The following TRDN variants were observed in gnomAD, a reference collection of about 807,000 sequenced individuals.
TRDN encodes the protein triadin, also known as triadin in skeletal muscle.
TRDN carries 161 observed loss-of-function variants against 149.7 expected under a neutral mutation model. The observed-to-expected ratio is 1.08, with a 90% CI of 0.95 to 1.23. The LOEUF (loss-of-function observed/expected upper bound fraction) is 1.23. TRDN is among the 50% of genes most tolerant of loss of function. The probability of loss-of-function intolerance (pLI) is 0.00; values close to 1 mark genes in which losing one functional copy is unlikely to be tolerated. For missense variants in TRDN, 896 were observed against 823.5 expected (o/e 1.09, Z -1.08); for synonymous variants, 294 against 250.5 (o/e 1.17, Z -1.64).
intron 5 of TRDN, among the ~76,000 whole-genome samples, chr6:123,521,675 G>T (rs767388523): frequency 1.3e-5 from 2 of 152,054 alleles, no homozygotes; most frequent in Admixed American, 1.3e-4. Context: ...CTTGAACCAA[G>T]TTCCCACCTG....
chr6:123,435,381 A>C (rs967069599), intron 12 of TRDN, among the ~76,000 whole-genome samples: 1 of 152,078 alleles, frequency 6.6e-6, no homozygotes, highest in Non-Finnish European at 1.5e-5. Flanking sequence ...TTTCATAATA[A>C]GCTTGAAACC....
At chr6:123,530,391 T>C in intron 5 of TRDN, 115 bp downstream of exon 5, 1 of 486,240 alleles carries the variant, frequency 2.1e-6, no homozygotes, top group South Asian at 4.6e-5. Flanking sequence ...GGAGTAAATT[T>C]AGTTATTTAA....
At position 123,217,045 on chromosome 6, in the gene TRDN, G is replaced by A. The variant is rs1195716140; in HGVS notation, c.*1556C>T. 6.6e-6 allele frequency: 1 copy of A among 151,898 alleles called. No homozygotes were observed. The highest frequency in any genetic ancestry group is 2.1e-4 in the South Asian group (1 of 4,830). 9.4% of individuals were successfully genotyped at this position (151,898 alleles called of 1,614,324 possible). A position where few individuals can be genotyped will look rare whatever the true frequency, so the allele number is the denominator to read the frequency against. ...GGGGCTTTGCAAGATGGTATTGTCTGGTCATTCCTGAAATTATACACTTCC... is the reference window on the plus strand; with the variant it reads ...GGGGCTTTGCAAGATGGTATTGTCTAGTCATTCCTGAAATTATACACTTCC... On this transcript the variant is annotated 3_prime_UTR_variant, in exon 41 of 41. Transcript: ENST00000334268.
At chr6:123,450,766 A>G (rs1248891886) in intron 10 of TRDN, among the ~76,000 whole-genome samples, 1 of 152,172 alleles carries the variant, frequency 6.6e-6, no homozygotes, top group African/African-American at 2.4e-5. Context: ...AGATATATAC[A>G]GAACATTTCA....
chr6:123,245,857 C>A (rs1776154388), intron 38 of TRDN, among the ~76,000 whole-genome samples: 1 of 152,164 alleles, frequency 6.6e-6, no homozygotes, highest in African/African-American at 2.4e-5. Flanking sequence ...CACTCCTCAG[C>A]AAATGCAAAA....
rs140154215 is a variant in TRDN, at chr6:123,374,118, G to A, written c.1273+1487C>T. Among the ~76,000 whole-genome samples, 32 of 152,240 alleles carry A rather than the reference G, an allele frequency of 2.1e-4. No homozygotes were observed. In the East Asian group the frequency reaches 5.6e-3, roughly 27 times the overall value. On this transcript the variant is annotated intron_variant, in intron 19 of 40. Transcript: ENST00000334268. ...AGTGCAAATCTCTCAACCATATAGG[G>A]AGTAGAATATTAACTCTTATGAAAC...
chr6:123,339,244 A>G (rs1779981086), intron 21 of TRDN, among the ~76,000 whole-genome samples: 1 of 152,076 alleles, frequency 6.6e-6, no homozygotes, highest in African/African-American at 2.4e-5. Flanking sequence ...ACCTCAAGTG[A>G]TCTGCTGAAC....
intron 38 of TRDN, among the ~76,000 whole-genome samples, chr6:123,238,717 A>G (rs558976145): frequency 6.6e-6 from 1 of 152,356 alleles, no homozygotes; most frequent in African/African-American, 2.4e-5. Flanking sequence ...TATATAAAAC[A>G]TCATGTTATG....
chr6:123,245,569 C>G (rs991077614), intron 38 of TRDN, among the ~76,000 whole-genome samples: 2 of 152,152 alleles, frequency 1.3e-5, no homozygotes, highest in African/African-American at 4.8e-5. Context: ...GCACCCAATA[C>G]AGGAGCACCC....
chr6:123,224,149 G>A lies in TRDN; in HGVS notation c.1976-18C>T, dbSNP rs1265002432. The A allele has an allele frequency of 2.5e-6, 4 of 1,607,970 alleles. No homozygotes were observed. The highest frequency in any genetic ancestry group is 3.4e-6 in the Non-Finnish European group (4 of 1,176,544). On this transcript the variant is annotated intron_variant, in intron 38 of 40. Coordinates refer to ENST00000334268, the MANE Select transcript of TRDN (RefSeq NM_006073.4). ...AACATCTTCTAGAGTACAGAAAAAA[G>A]GCACATAGAATCACAGTCAATTTTT...
intron 23 of TRDN, 90 bp downstream of exon 23, chr6:123,331,789 G>A (rs916818695): frequency 1.2e-5 from 10 of 835,768 alleles, no homozygotes; most frequent in Non-Finnish European, 1.8e-5. Flanking sequence ...TTGAGAGCCT[G>A]AAAATGAAAT....
intron 13 of TRDN, among the ~76,000 whole-genome samples, chr6:123,390,269 A>T (rs145416154): frequency 0.011 from 1,730 of 152,304 alleles, 29 homozygotes; most frequent in African/African-American, 0.039. Flanking sequence ...AATTCTACAG[A>T]CAAGAAAGCC....
intron 24 of TRDN, among the ~76,000 whole-genome samples, chr6:123,306,808 A>G (rs934702124): frequency 3.3e-5 from 5 of 152,100 alleles, no homozygotes; most frequent in Non-Finnish European, 5.9e-5. Flanking sequence ...TCCCAAATAA[A>G]ACATGAAATT....
At chr6:123,499,719 A>AAAAAAAAAATATATATATATATATATAT in intron 8 of TRDN, among the ~76,000 whole-genome samples, 4 of 47,684 alleles carry the variant, frequency 8.4e-5, no homozygotes, top group Non-Finnish European at 1.8e-4. Context: ...AAAAAAAAAA[A>AAAAAAAAAATATATATATATATATATAT]ATATATATAT....
intron 23 of TRDN, among the ~76,000 whole-genome samples, chr6:123,325,854 A>C (rs1040736164): frequency 2.6e-5 from 4 of 152,116 alleles, no homozygotes; most frequent in Non-Finnish European, 5.9e-5. Context: ...ATAAAAGCAG[A>C]CTACACAACA....
chr6:123,481,268 A>G (rs968833204), intron 9 of TRDN, among the ~76,000 whole-genome samples: 1 of 152,086 alleles, frequency 6.6e-6, no homozygotes, highest in Non-Finnish European at 1.5e-5. Context: ...ACCAACCAAC[A>G]AAGGCAGCTA....
At chr6:123,602,437 T>C (rs1006060746) in intron 1 of TRDN, among the ~76,000 whole-genome samples, 1 of 106,708 alleles carries the variant, frequency 9.4e-6, no homozygotes, top group Non-Finnish European at 2.3e-5. Context: ...GGAAGGGTTG[T>C]AGGGGGGAAC....
chr6:123,608,172 G>A (rs958572700), intron 1 of TRDN, among the ~76,000 whole-genome samples: 23 of 151,966 alleles, frequency 1.5e-4, no homozygotes, highest in Admixed American at 1.5e-3. Context: ...GACAACATGG[G>A]CTCAATTCCT....
At chr6:123,516,344 T>A in intron 5 of TRDN, 138 bp from the exon 6 acceptor site, 2 of 1,080,140 alleles carry the variant, frequency 1.9e-6, no homozygotes, top group South Asian at 4.6e-5. Flanking sequence ...TTTTATGTAG[T>A]TAGAGGTTTA....
Sources: allele counts gnomAD v4.1 joint callset (sites outside exome capture counted in the v4.1 genomes callset), GRCh38; gene constraint gnomAD v4.1.1; transcripts MANE v1.5; gene names NCBI Gene and HGNC (gene_info 2026-07-23, HGNC 2026-07-21).